The following SERPINI1 variants were observed in gnomAD, a reference collection of about 807,000 sequenced individuals.
SERPINI1 encodes the protein serpin family I member 1, also known as neuroserpin.
In SERPINI1, 19 loss-of-function variants were observed where a neutral mutation model predicts 41.1. The ratio of observed to expected loss-of-function variants is 0.46; its 90% CI spans 0.32 to 0.68. The LOEUF is 0.68. SERPINI1 is among the 30% of genes least tolerant of loss of function. The probability of loss-of-function intolerance (pLI) is 0.03; values close to 1 mark genes in which losing one functional copy is unlikely to be tolerated. For missense variants in SERPINI1, 460 were observed against 479.2 expected (o/e 0.96, Z 0.37); for synonymous variants, 138 against 156.6 (o/e 0.88, Z 0.89).
intron 1 of SERPINI1, among the ~76,000 whole-genome samples, chr3:167,743,342 A>T (rs1215521160): frequency 1.3e-5 from 2 of 152,190 alleles, no homozygotes; most frequent in African/African-American, 4.8e-5. Flanking sequence ...ATACAGTGAC[A>T]CTTTGATACT....
At chr3:167,741,544 C>G (rs1725676862) in intron 1 of SERPINI1, among the ~76,000 whole-genome samples, 1 of 152,210 alleles carries the variant, frequency 6.6e-6, no homozygotes, top group South Asian at 2.1e-4. Flanking sequence ...TTAACCAGCT[C>G]TAACTTGAAG....
chr3:167,809,405 A>T lies in SERPINI1; in HGVS notation c.979+2064A>T, dbSNP rs942921884. Among the ~76,000 whole-genome samples the T allele has an allele frequency of 5.9e-5, 9 of 152,212 alleles. No homozygotes were observed. The East Asian group carries it at 1.7e-3, about 29-fold the overall frequency. ...CCAAACATCTAGGAAGTTATTTCAA[A>T]CAAATAGACTACCTGCTGCCTCTCA... On this transcript the variant is annotated intron_variant, in intron 6 of 8. Transcript: ENST00000446050.
In SERPINI1 at chr3:167,825,365, A is replaced by G. The variant is rs778445200; in HGVS notation, c.*42A>G. Reference sequence around the variant, plus strand: ...AACAAGGAAAACAGTAACTAAGCACATTATGTTTGCAACTGGTATATATTT... The same window carrying G: ...AACAAGGAAAACAGTAACTAAGCACGTTATGTTTGCAACTGGTATATATTT... On this transcript the variant is annotated 3_prime_UTR_variant, in exon 9 of 9. Coordinates refer to ENST00000446050, the MANE Select transcript of SERPINI1 (RefSeq NM_001122752.2). The G allele has an allele frequency of 6.5e-6, 8 of 1,237,814 alleles. No individual in the cohort carries two copies. Among genetic ancestry groups the G allele is most frequent in the Non-Finnish European group, 9.6e-6 (8 of 836,684 alleles). The allele number at this position is 1,237,814 out of a possible 1,614,324, so 76.7% of individuals were successfully genotyped here. A position where few individuals can be genotyped will look rare whatever the true frequency, so the allele number is the denominator to read the frequency against.
At chr3:167,799,804 G>A (rs1179533539) in intron 5 of SERPINI1, among the ~76,000 whole-genome samples, 3 of 152,156 alleles carry the variant, frequency 2.0e-5, no homozygotes, top group African/African-American at 7.2e-5. Flanking sequence ...CAGTGCTGAT[G>A]AGCTTTTTTT....
chr3:167,786,021 C>A (rs1213921177), intron 1 of SERPINI1, among the ~76,000 whole-genome samples: 1 of 152,218 alleles, frequency 6.6e-6, no homozygotes, highest in Non-Finnish European at 1.5e-5. Flanking sequence ...GCATAGCCTA[C>A]TACACACCTG....
chr3:167,795,412 A>G (rs553298574), intron 5 of SERPINI1, among the ~76,000 whole-genome samples: 1 of 152,156 alleles, frequency 6.6e-6, no homozygotes, highest in South Asian at 2.1e-4. Context: ...ATTTCTGGCC[A>G]CTCACCACAT....
intron 1 of SERPINI1, among the ~76,000 whole-genome samples, chr3:167,747,509 C>T (rs1247282405): frequency 3.9e-5 from 6 of 152,084 alleles, no homozygotes; most frequent in Non-Finnish European, 1.5e-5. Context: ...CTGGGCGTGG[C>T]AGCGGGCGCC....
At chr3:167,772,977 T>G (rs1049411431) in intron 1 of SERPINI1, among the ~76,000 whole-genome samples, 1 of 111,490 alleles carries the variant, frequency 9.0e-6, no homozygotes. Context: ...TGTATATATA[T>G]GTATATATAT....
intron 8 of SERPINI1, 22 bp from the exon 9 acceptor site, chr3:167,825,225 G>A: frequency 6.5e-7 from 1 of 1,537,882 alleles, no homozygotes; most frequent in Non-Finnish European, 9.0e-7. Context: ...CCCCTCTTTT[G>A]TTTACTTCTG....
chr3:167,748,615 G>C (rs1372639702), intron 1 of SERPINI1, among the ~76,000 whole-genome samples: 1 of 152,168 alleles, frequency 6.6e-6, no homozygotes, highest in Admixed American at 6.5e-5. Flanking sequence ...AGATGACAAC[G>C]TCTCAGAGGT....
intron 1 of SERPINI1, among the ~76,000 whole-genome samples, chr3:167,786,628 T>C (rs1165112560): frequency 1.3e-5 from 2 of 151,974 alleles, no homozygotes; most frequent in African/African-American, 4.8e-5. Flanking sequence ...GAATGAGTGG[T>C]CAGTGAGTGT....
chr3:167,805,354 A>T (rs1270855545), intron 5 of SERPINI1, among the ~76,000 whole-genome samples: 1 of 152,082 alleles, frequency 6.6e-6, no homozygotes, highest in Non-Finnish European at 1.5e-5. Context: ...CTTTTGAGAA[A>T]TGTCTGTTCA....
chr3:167,744,707 TA>T (rs1311589511), intron 1 of SERPINI1, among the ~76,000 whole-genome samples: 8 of 130,334 alleles, frequency 6.1e-5, no homozygotes, highest in African/African-American at 2.3e-4. Context: ...TAAATATATA[TA>T]AAATATATAT....
At chr3:167,737,143 G>A (rs1725487822) in intron 1 of SERPINI1, among the ~76,000 whole-genome samples, 1 of 151,774 alleles carries the variant, frequency 6.6e-6, no homozygotes. Flanking sequence ...GAAAAGAAAT[G>A]GCTCAAATGA....
intron 5 of SERPINI1, among the ~76,000 whole-genome samples, chr3:167,800,382 C>T (rs1381346216): frequency 4.6e-5 from 7 of 152,076 alleles, no homozygotes; most frequent in South Asian, 4.1e-4. Flanking sequence ...CATTTTAAGT[C>T]CTGGTATTTA....
intron 1 of SERPINI1, among the ~76,000 whole-genome samples, chr3:167,743,843 A>G (rs1725757749): frequency 6.6e-6 from 1 of 152,166 alleles, no homozygotes; most frequent in Admixed American, 6.5e-5. Context: ...TCTATGTGGT[A>G]ATCAGGAAAG....
chr3:167,765,360 T>C (rs552747221), intron 1 of SERPINI1, among the ~76,000 whole-genome samples: 1 of 152,290 alleles, frequency 6.6e-6, no homozygotes, highest in South Asian at 2.1e-4. Context: ...CACCATATGG[T>C]AGCTGCCAAG....
intron 1 of SERPINI1, among the ~76,000 whole-genome samples, chr3:167,778,979 G>A (rs1207733947): frequency 6.6e-6 from 1 of 152,216 alleles, no homozygotes; most frequent in African/African-American, 2.4e-5. Context: ...TCTTTGCAAA[G>A]ACAATTTCAA....
chr3:167,801,291 T>C (rs114814251), intron 5 of SERPINI1, among the ~76,000 whole-genome samples: 2 of 152,394 alleles, frequency 1.3e-5, no homozygotes, highest in Non-Finnish European at 2.9e-5. Context: ...CTTCAACTTA[T>C]TCAGGTAGAA....
Sources: allele counts gnomAD v4.1 joint callset (sites outside exome capture counted in the v4.1 genomes callset), GRCh38; gene constraint gnomAD v4.1.1; transcripts MANE v1.5; gene names NCBI Gene and HGNC (gene_info 2026-07-23, HGNC 2026-07-21).